CORO7: variants seen among roughly 807,000 people sequenced by gnomAD.
CORO7 encodes the protein coronin-7.
In CORO7, 107 loss-of-function variants were observed where a neutral mutation model predicts 126.6. The ratio of observed to expected loss-of-function variants is 0.85; its 90% CI spans 0.72 to 0.99. The LOEUF (loss-of-function observed/expected upper bound fraction) is 0.99, where lower values mean the gene tolerates loss of function less well. Ranked by LOEUF, CORO7 falls within the 50% of genes least tolerant of loss-of-function variation. CORO7 has a pLI of 0.00. For synonymous variants in CORO7, 603 were observed against 536.8 expected (o/e 1.12, Z -1.70); for missense variants, 1,314 against 1,255.8 (o/e 1.05, Z -0.70).
intron 21 of CORO7, 134 bp from the exon 22 acceptor site, chr16:4,359,755 C>T (rs1436903306): frequency 6.1e-6 from 7 of 1,156,532 alleles, no homozygotes; most frequent in South Asian, 3.2e-5. Context: ...ACCGCAGCCA[C>T]ATCCTAACCT....
At position 4,407,799 on chromosome 16, in the gene CORO7, C is replaced by T. The variant is rs1473942568; in HGVS notation, c.304-115G>A. On this transcript the variant is annotated intron_variant, in intron 4 of 27. Coordinates refer to ENST00000251166, the MANE Select transcript of CORO7 (RefSeq NM_024535.5). ...AACTAGGCTGCTCCAGGAGACCACACACCTTGGCCTTGGGAGGAGCGCCCA... is the reference window on the plus strand; with the variant it reads ...AACTAGGCTGCTCCAGGAGACCACATACCTTGGCCTTGGGAGGAGCGCCCA... The T allele has an allele frequency of 4.5e-6, 6 of 1,334,052 alleles. No homozygotes were observed. The African/African-American group carries it at 5.9e-5, about 13-fold the overall frequency. The allele number at this position is 1,334,052 out of a possible 1,614,324, so 82.6% of individuals were successfully genotyped here.
chr16:4,415,708 G>A, intron 1 of CORO7: 1 of 985,508 alleles, frequency 1.0e-6, no homozygotes, highest in Non-Finnish European at 1.2e-6. Context: ...ACACTCCCAG[G>A]CCTTACAAAT....
At chr16:4,357,848 C>T (rs972995772) in intron 25 of CORO7, 120 bp downstream of exon 25, 9 of 1,481,986 alleles carry the variant, frequency 6.1e-6, no homozygotes, top group Non-Finnish European at 8.1e-6. Context: ...ACAGCCACTC[C>T]ACCCTCCCAA....
chr16:4,362,948 G>A lies in CORO7; in HGVS notation c.1276-210C>T. On this transcript the variant is annotated intron_variant, in intron 14 of 27. Transcript: ENST00000251166. The surrounding 1 kb of genome is among the most constrained non-coding windows in gnomAD (Gnocchi z 5.3). The stretch of plus-strand genomic sequence containing the variant: ...GCTTCAGACCGCGGGGACAGCAAGT[G>A]GCAGCTGCTGGCTCCCAGCCCTGCA... 2.2e-6 allele frequency: 1 copy of A among 459,152 alleles called. No homozygotes were observed. The highest frequency in any genetic ancestry group is 3.6e-5 in the East Asian group (1 of 28,010). 28.4% of individuals were successfully genotyped at this position (459,152 alleles called of 1,614,324 possible). A position where few individuals can be genotyped will look rare whatever the true frequency, so the allele number is the denominator to read the frequency against.
At chr16:4,410,814 CAGTTG>C in intron 3 of CORO7, among the ~76,000 whole-genome samples, 1 of 152,206 alleles carries the variant, frequency 6.6e-6, no homozygotes. Flanking sequence ...CTCAACTCTG[CAGTTG>C]TTGCAAGAAA....
At chr16:4,359,724 C>T (rs549858879) in intron 21 of CORO7, 103 bp from the exon 22 acceptor site, 46 of 1,435,112 alleles carry the variant, frequency 3.2e-5, no homozygotes, top group African/African-American at 4.3e-5. Flanking sequence ...GGGTTGTAGG[C>T]GAGGCCTAGT....
Position 4,364,917 on chromosome 16 carries a change from G to A in CORO7, c.902C>T (p.Thr301Ile). The A allele has an allele frequency of 6.2e-7, 1 of 1,610,384 alleles. No individual in the cohort carries two copies. Among genetic ancestry groups the A allele is most frequent in the African/African-American group, 1.3e-5 (1 of 74,994 alleles). The change falls in exon 12 of 28, where the codon ACC (threonine) becomes ATC (isoleucine). Residue 301 changes from threonine (T) to isoleucine (I), a missense_variant. By Grantham distance (89) the Thr-to-Ile change is moderately conservative. Transcript: ENST00000251166. ...CAGCACGCTCTCCAGGACACACTGG[G>A]TCACTGTTGAGGACACCATAGGGGA... ...VPQQPALSPVTQCVLESVLRG... is the reference protein window; with the variant it reads ...VPQQPALSPVIQCVLESVLRG...
chr16:4,407,670 T>C lies in CORO7; in HGVS notation c.318A>G (p.Arg106=), dbSNP rs2056054840. 6.3e-7 allele frequency: 1 copy of C among 1,592,682 alleles called. No individual in the cohort carries two copies. Among genetic ancestry groups the C allele is most frequent in the Non-Finnish European group, 8.5e-7 (1 of 1,171,532 alleles). ...GCAGGGCCTGGCCAGGCCCTGGCAG[T>C]CGCCAGAGTTTTACCTGCAAGAAAG... The part of the protein sequence containing the change: ...GSADRTVKLW[R]LPGPGQALPS... The change falls in exon 5 of 28, where the codon CGA becomes CGG. Residue 106 remains arginine (R), a synonymous_variant. Coordinates refer to ENST00000251166, the MANE Select transcript of CORO7 (RefSeq NM_024535.5).
intron 7 of CORO7, among the ~76,000 whole-genome samples, chr16:4,391,727 T>C (rs943151048): frequency 2.0e-5 from 3 of 152,198 alleles, no homozygotes; most frequent in African/African-American, 4.8e-5. Context: ...CGAGACCCGT[T>C]TGCCAGCCTC....
At position 4,362,580 on chromosome 16, in the gene CORO7, G is replaced by A. The variant is rs1449929721; in HGVS notation, c.1402+32C>T. ...GAGTGGGGCAGACAGGGCTCCTGCG[G>A]TAGGGGTGAGCTCCCCGTCCTGCCT... On this transcript the variant is annotated intron_variant, in intron 15 of 27. Coordinates refer to ENST00000251166, the MANE Select transcript of CORO7 (RefSeq NM_024535.5). The surrounding 1 kb of genome is among the most constrained non-coding windows in gnomAD (Gnocchi z 5.3). The A allele has an allele frequency of 6.6e-7, 1 of 1,526,582 alleles. No homozygotes were observed. Among genetic ancestry groups the A allele is most frequent in the Non-Finnish European group, 8.8e-7 (1 of 1,140,884 alleles). The allele number at this position is 1,526,582 out of a possible 1,614,324, so 94.6% of individuals were successfully genotyped here.
At chr16:4,409,682 T>C (rs1272382171) in intron 3 of CORO7, among the ~76,000 whole-genome samples, 2 of 152,190 alleles carry the variant, frequency 1.3e-5, no homozygotes, top group Non-Finnish European at 2.9e-5. Flanking sequence ...TGCTGCCTTT[T>C]CCCACTGGAG....
intron 2 of CORO7, 192 bp from the exon 3 acceptor site, chr16:4,412,622 A>G (rs1419559999): frequency 1.0e-5 from 6 of 596,650 alleles, no homozygotes; most frequent in Non-Finnish European, 1.8e-5. Context: ...TGAGCCATCC[A>G]TGCCTCAGAT....
At chr16:4,411,357 C>T (rs2056200997) in intron 3 of CORO7, among the ~76,000 whole-genome samples, 1 of 152,014 alleles carries the variant, frequency 6.6e-6, no homozygotes. Context: ...TATGCCACTG[C>T]ACTCCAGCCT....
chr16:4,374,608 G>A (rs1234526894), intron 9 of CORO7, among the ~76,000 whole-genome samples: 2 of 152,176 alleles, frequency 1.3e-5, no homozygotes, highest in Admixed American at 6.5e-5. Flanking sequence ...GAGCCCGGCT[G>A]GGCATTGAGA....
rs937642422 is a variant in CORO7 at position 4,387,853 on chromosome 16, T to G, written c.785+133A>C. The G allele has an allele frequency of 5.1e-6, 6 of 1,168,848 alleles. No homozygotes were observed. In the African/African-American group the frequency reaches 7.6e-5, roughly 15 times the overall value. 72.4% of individuals were successfully genotyped at this position (1,168,848 alleles called of 1,614,324 possible). On this transcript the variant is annotated intron_variant, in intron 9 of 27. Coordinates refer to ENST00000251166, the MANE Select transcript of CORO7 (RefSeq NM_024535.5). Reference sequence around the variant, plus strand: ...AGGGCCAGGTGTCTGTTGCAAGGCCTTGCAGCCCAGATCAGGTACCCCAGA... The same window carrying G: ...AGGGCCAGGTGTCTGTTGCAAGGCCGTGCAGCCCAGATCAGGTACCCCAGA...
At chr16:4,402,791 G>T (rs546814897) in intron 6 of CORO7, among the ~76,000 whole-genome samples, 1 of 152,210 alleles carries the variant, frequency 6.6e-6, no homozygotes, top group Admixed American at 6.5e-5. Flanking sequence ...CAACCATGCC[G>T]GGAGTCAGGA....
At chr16:4,359,186 C>A (rs982928766) in intron 23 of CORO7, 110 bp downstream of exon 23, 45 of 1,249,068 alleles carry the variant, frequency 3.6e-5, no homozygotes, top group South Asian at 4.6e-5. Context: ...CCAGCCCCAG[C>A]CCAGGACTCT....
Position 4,412,367 on chromosome 16 carries a change from C to A in CORO7, c.221G>T (p.Gly74Val), listed in dbSNP as rs768271582. 51 of 1,614,066 alleles carry A rather than the reference C, an allele frequency of 3.2e-5. No homozygotes were observed. The East Asian group carries it at 7.8e-4, about 25-fold the overall frequency. ...GEDKRRVAHL[G>V]CHSDLVTDLD... ...AGACACCCACTCACCTGAATGGCAG[C>A]CCAGGTGGGCCACGCGTCGCTTGTC... Residue 74 changes from glycine to valine, a missense_variant, in exon 3 of 28, where the codon GGC becomes GTC. Coordinates refer to ENST00000251166, the MANE Select transcript of CORO7 (RefSeq NM_024535.5).
intron 1 of CORO7, among the ~76,000 whole-genome samples, chr16:4,415,018 C>T (rs1482474547): frequency 6.6e-6 from 1 of 152,078 alleles, no homozygotes; most frequent in Non-Finnish European, 1.5e-5. Flanking sequence ...TGAGTCACCA[C>T]ACCTGGCTAA....
Sources: allele counts gnomAD v4.1 joint callset (sites outside exome capture counted in the v4.1 genomes callset), GRCh38; gene constraint gnomAD v4.1.1; non-coding constraint Gnocchi (gnomAD v3.1); transcripts MANE v1.5; gene names NCBI Gene and HGNC (gene_info 2026-07-23, HGNC 2026-07-21).